The following AFF3 variants were observed in gnomAD, a reference collection of about 807,000 sequenced individuals.
AFF3 encodes the protein ALF transcription elongation factor 3, also known as AF4/FMR2 family member 3.
Under a neutral mutation model 129.7 loss-of-function variants are expected in AFF3, and 32 were observed. The observed-to-expected ratio is 0.25, with a 90% confidence interval of 0.19 to 0.33. AFF3 has a LOEUF of 0.33. AFF3 is among the 10% of genes least tolerant of loss of function. The pLI, the probability that AFF3 is intolerant of heterozygous loss-of-function variation, is 1.00. For missense variants in AFF3, 1,373 were observed against 1,592.0 expected, an observed-to-expected ratio of 0.86 and a Z score of 2.34; for synonymous variants, 644 against 635.4, an observed-to-expected ratio of 1.01 and a Z score of -0.20.
chr2:99,792,328 G>A (rs1022079507), intron 8 of AFF3, among the ~76,000 whole-genome samples: 1 of 152,028 alleles, frequency 6.6e-6, no homozygotes, highest in Non-Finnish European at 1.5e-5. Context: ...AATTAGCTGG[G>A]CGCACTAGCA....
intron 4 of AFF3, among the ~76,000 whole-genome samples, chr2:100,075,762 A>C (rs1398661094): frequency 6.6e-6 from 1 of 152,202 alleles, no homozygotes; most frequent in Non-Finnish European, 1.5e-5. Context: ...ATGATGTCTC[A>C]AGTGATGGCA....
At chr2:99,730,601 C>T (rs552619428) in intron 10 of AFF3, among the ~76,000 whole-genome samples, 33 of 151,116 alleles carry the variant, frequency 2.2e-4, no homozygotes, top group African/African-American at 7.5e-4. Context: ...GCAACCTCTG[C>T]CTCCTGGGTT....
At chr2:99,973,917 G>C (rs1678630951) in intron 7 of AFF3, among the ~76,000 whole-genome samples, 1 of 152,120 alleles carries the variant, frequency 6.6e-6, no homozygotes. Flanking sequence ...CCTGCCTTGA[G>C]CCAGAAGTCA....
Position 99,955,904 on chromosome 2 carries a change from T to C in AFF3, c.873+50728A>G, listed in dbSNP as rs192932424. 3.2e-4 allele frequency among the ~76,000 whole-genome samples: 49 copies of C among 152,290 alleles called. 1 individual carries two copies. The East Asian group carries it at 8.3e-3, about 26-fold the overall frequency. On this transcript the variant is annotated intron_variant, in intron 7 of 24. Coordinates refer to ENST00000672756, the MANE Select transcript of AFF3 (RefSeq NM_001386135.1). ...CTCTACATAGAGGCAGTTGTAAACA[T>C]AAACTTCTTTACACTGCTGCTGGGG...
intron 2 of AFF3, among the ~76,000 whole-genome samples, chr2:100,113,756 A>T (rs6707220): frequency 0.32 from 48,716 of 152,056 alleles, 8,204 homozygotes; most frequent in African/African-American, 0.4. Context: ...GAGAGTGAGG[A>T]GGCAGTGATG....
intron 8 of AFF3, among the ~76,000 whole-genome samples, chr2:99,803,117 A>G (rs918551693): frequency 6.6e-6 from 1 of 151,996 alleles, no homozygotes; most frequent in Admixed American, 6.5e-5. Context: ...ATTTTGAGGT[A>G]TGTTCCTTCT....
intron 7 of AFF3, among the ~76,000 whole-genome samples, chr2:99,877,472 AGGC>A (rs1250036671): frequency 7.9e-5 from 12 of 152,294 alleles, no homozygotes; most frequent in Middle Eastern, 3.4e-3. Flanking sequence ...ATGAAGAAAG[AGGC>A]TGTGAGGCCC....
chr2:99,833,015 T>C (rs1450600209), intron 8 of AFF3, among the ~76,000 whole-genome samples: 1 of 152,236 alleles, frequency 6.6e-6, no homozygotes, highest in East Asian at 1.9e-4. Flanking sequence ...GCTCTGCAAA[T>C]GACCCAAATA....
intron 7 of AFF3, among the ~76,000 whole-genome samples, chr2:99,851,131 T>C (rs190939625): frequency 1.3e-5 from 2 of 152,372 alleles, no homozygotes; most frequent in Admixed American, 6.5e-5. Flanking sequence ...AAGCTCATTA[T>C]TGAGGAAAAT....
Position 99,726,719 on chromosome 2 carries a change from T to C in AFF3, c.1091+358A>G, listed in dbSNP as rs141055868. On this transcript the variant is annotated intron_variant, in intron 11 of 24. Coordinates refer to ENST00000672756, the MANE Select transcript of AFF3 (RefSeq NM_001386135.1). ...CAGATGGCAAGCTTCTGAAATGACCTTGTTACTGCACAGCTGTGTGGGACA... is the reference window on the plus strand; with the variant it reads ...CAGATGGCAAGCTTCTGAAATGACCCTGTTACTGCACAGCTGTGTGGGACA... 2.0e-4 allele frequency among the ~76,000 whole-genome samples: 30 copies of C among 152,360 alleles called. 1 individual carries two copies. Among genetic ancestry groups the C allele is most frequent in the South Asian group, 1.7e-3 (8 of 4,830 alleles).
chr2:99,882,812 C>T (rs536457318), intron 7 of AFF3, among the ~76,000 whole-genome samples: 1 of 152,350 alleles, frequency 6.6e-6, no homozygotes, highest in South Asian at 2.1e-4. Context: ...GGGCCCAAGG[C>T]ATGGCCCTAG....
chr2:100,113,611 G>A (rs10177358), intron 2 of AFF3, among the ~76,000 whole-genome samples: 2,687 of 152,276 alleles, frequency 0.018, 90 homozygotes, highest in African/African-American at 0.061. Flanking sequence ...GTACTATAAC[G>A]TATTACCTGC....
At chr2:99,766,177 G>A (rs1294613904) in intron 8 of AFF3, among the ~76,000 whole-genome samples, 4 of 152,210 alleles carry the variant, frequency 2.6e-5, no homozygotes, top group Non-Finnish European at 4.4e-5. Flanking sequence ...ATAAACCCTG[G>A]AAACTACTGG....
At chr2:99,940,728 T>A (rs933344176) in intron 7 of AFF3, among the ~76,000 whole-genome samples, 1 of 152,170 alleles carries the variant, frequency 6.6e-6, no homozygotes, top group Non-Finnish European at 1.5e-5. Context: ...AGCCATTCTT[T>A]TATCCCTTTA....
intron 12 of AFF3, among the ~76,000 whole-genome samples, chr2:99,671,270 T>C (rs940156862): frequency 6.6e-6 from 1 of 152,216 alleles, no homozygotes; most frequent in African/African-American, 2.4e-5. Context: ...TCATTCTACA[T>C]TTCTGCTAAG....
At chr2:99,707,077 A>G (rs1677468453) in intron 11 of AFF3, 1 of 983,840 alleles carries the variant, frequency 1.0e-6, no homozygotes, top group African/African-American at 1.7e-5. Flanking sequence ...TACCGAAGAT[A>G]TAATAGTACA....
intron 22 of AFF3, among the ~76,000 whole-genome samples, chr2:99,558,473 A>G (rs553813434): frequency 6.6e-6 from 1 of 152,136 alleles, no homozygotes; most frequent in Admixed American, 6.5e-5. Flanking sequence ...ATACAAAATT[A>G]GCCAGGCGTG....
chr2:99,892,588 C>T (rs553774698), intron 7 of AFF3, among the ~76,000 whole-genome samples: 6 of 152,258 alleles, frequency 3.9e-5, no homozygotes, highest in Admixed American at 6.5e-5. Flanking sequence ...CCTACTGTTT[C>T]GGAGGTCTTC....
rs1679830305 is a variant in AFF3, at chr2:99,601,511, G to A, written c.1295C>T (p.Ser432Phe). 14 of 1,606,834 alleles carry A rather than the reference G, an allele frequency of 8.7e-6. No individual in the cohort carries two copies. The highest frequency in any genetic ancestry group is 1.2e-5 in the Non-Finnish European group (14 of 1,177,374). The change falls in exon 14 of 25, where the codon TCC (serine) becomes TTC (phenylalanine). Residue 432 changes from serine (S) to phenylalanine (F), a missense_variant. Physicochemically the swap from Ser to Phe is radical, Grantham distance 155. Transcript: ENST00000672756. ...GCTCTCGGTCTCCGAGTCAGATCCG[G>A]AGCTGCTCTCTGAGTCGCTGGAGGA... is the stretch of plus-strand genomic sequence containing the variant. Reference protein sequence around the residue: ...SSSSSDSESSSGSDSETESSS... With the variant: ...SSSSSDSESSFGSDSETESSS...
Sources: gnomAD v4.1 joint callset for allele counts (sites outside exome capture counted in the v4.1 genomes callset) on GRCh38, gnomAD v4.1.1 for gene constraint, MANE v1.5 for transcripts, NCBI Gene and HGNC (gene_info 2026-07-23, HGNC 2026-07-21) for gene names.